MLPH: variants seen among roughly 807,000 people sequenced by gnomAD.
MLPH encodes the protein melanophilin, also known as exophilin-3.
In MLPH, 51 loss-of-function variants were observed where a neutral mutation model predicts 72.1. The observed-to-expected ratio is 0.71, with a 90% CI of 0.56 to 0.89. MLPH has a LOEUF of 0.89. MLPH is among the 40% of genes least tolerant of loss of function. The pLI, the probability that MLPH is intolerant of heterozygous loss-of-function variation, is 0.00. For synonymous variants in MLPH, 301 were observed against 310.1 expected (o/e 0.97, Z 0.31); for missense variants, 743 against 759.9 (o/e 0.98, Z 0.26).
At position 237,510,471 on chromosome 2, in the gene MLPH, A is replaced by ATGTGTC. The variant is rs2079866488; in HGVS notation, c.111-91_111-86dup. The ATGTGTC allele has an allele frequency of 2.9e-6, 3 of 1,050,520 alleles. No individual in the cohort carries two copies. Among genetic ancestry groups the ATGTGTC allele is most frequent in the Admixed American group, 2.0e-5 (1 of 50,774 alleles). The allele number at this position is 1,050,520 out of a possible 1,614,324, so 65.1% of individuals were successfully genotyped here. ...TAGGAGACAGTTACTGTGTGTGTGT[A>ATGTGTC]TGTGTCTGTGTCTGTGTGTGTGTGT... is the stretch of plus-strand genomic sequence containing the variant. On this transcript the variant is annotated intron_variant, in intron 2 of 15. Transcript: ENST00000264605. This position sits in a 1 kb window ranked among gnomAD's most constrained non-coding sequence, Gnocchi z 4.4.
At chr2:237,527,188 C>A in intron 7 of MLPH, 189 bp from the exon 8 acceptor site, 1 of 705,604 alleles carries the variant, frequency 1.4e-6, no homozygotes, top group Non-Finnish European at 2.5e-6. Flanking sequence ...CTCTTTTTTC[C>A]TGAAGATCTT....
intron 9 of MLPH, among the ~76,000 whole-genome samples, chr2:237,535,938 G>A (rs1329461883): frequency 2.6e-5 from 4 of 152,142 alleles, no homozygotes; most frequent in South Asian, 2.1e-4. Flanking sequence ...TTTCCCAATC[G>A]TCTACAGAGA....
At chr2:237,535,276 T>A (rs2080507832) in intron 9 of MLPH, among the ~76,000 whole-genome samples, 1 of 151,900 alleles carries the variant, frequency 6.6e-6, no homozygotes. Flanking sequence ...AATAACAAAT[T>A]CATTCCTTCA....
rs1422700600 is a variant in MLPH, at chr2:237,546,670, C to G, written c.1604C>G (p.Ser535Ter). The change falls in exon 13 of 16, where the codon TCA (serine) becomes TGA (stop). Residue 535 changes from serine to a stop codon, truncating the protein, a stop_gained. Transcript: ENST00000264605. LOFTEE classifies it high-confidence loss of function. Reference protein sequence around the residue: ...KRPEDPNADPSSEAKAMAVPY... With the variant: ...KRPEDPNADP Reference sequence around the variant, plus strand: ...CCAGAGGACCCAAATGCAGACCCTTCAAGTGAGGCCAAGGTATGTGTTACT... The same window carrying G: ...CCAGAGGACCCAAATGCAGACCCTTGAAGTGAGGCCAAGGTATGTGTTACT... 1 of 1,614,042 alleles carries G rather than the reference C, an allele frequency of 6.2e-7. No homozygotes were observed. Among genetic ancestry groups the G allele is most frequent in the South Asian group, 1.1e-5 (1 of 91,082 alleles).
chr2:237,540,431 C>T lies in MLPH; in HGVS notation c.1188C>T (p.Val396=), dbSNP rs2080648157. The T allele has an allele frequency of 1.2e-6, 2 of 1,612,724 alleles. No individual in the cohort carries two copies. Among genetic ancestry groups the T allele is most frequent in the Non-Finnish European group, 1.7e-6 (2 of 1,179,340 alleles). Residue 396 remains valine, a synonymous_variant, in exon 10 of 16, where the codon GTC becomes GTT. Coordinates refer to ENST00000264605, the MANE Select transcript of MLPH (RefSeq NM_024101.7). ...AGCTGGAGGAGCTGACCAGCAACGT[C>T]AGTGACCAGGAGACCTCGTCCGAGG... ...RRKLEELTSN[V]SDQETSSEEE... is the part of the protein sequence containing the mutation.
intron 1 of MLPH, among the ~76,000 whole-genome samples, chr2:237,489,011 T>A (rs1252249968): frequency 6.6e-6 from 1 of 151,968 alleles, no homozygotes; most frequent in African/African-American, 2.4e-5. Flanking sequence ...CCTGGCATCA[T>A]CCAGGGCTGG....
intron 8 of MLPH, among the ~76,000 whole-genome samples, chr2:237,534,267 A>G (rs1559365261): frequency 1.3e-5 from 2 of 152,186 alleles, no homozygotes; most frequent in African/African-American, 4.8e-5. Context: ...TAATGACACC[A>G]TCACAACCTT....
At chr2:237,530,131 AGCCACAGGGCT>A (rs2080389297) in intron 8 of MLPH, among the ~76,000 whole-genome samples, 1 of 152,228 alleles carries the variant, frequency 6.6e-6, no homozygotes, top group African/African-American at 2.4e-5. Flanking sequence ...CCAGCTCTTC[AGCCACAGGGCT>A]GCAGATTCCT....
rs1559350480 is a variant in MLPH, at chr2:237,516,914, A to ATGGATGGAT, written c.446-1625_446-1624insTGGATGGAT. On this transcript the variant is annotated intron_variant, in intron 4 of 15. Coordinates refer to ENST00000264605, the MANE Select transcript of MLPH (RefSeq NM_024101.7). ...ATGGATGGTAGGATGGATGGATGGT[A>ATGGATGGAT]GGATGGATGGATGGATGGATGGATG... Among the ~76,000 whole-genome samples, 1,118 of 119,248 alleles carry ATGGATGGAT rather than the reference A, an allele frequency of 9.4e-3. 25 individuals are homozygous for ATGGATGGAT. Among genetic ancestry groups the ATGGATGGAT allele is most frequent in the African/African-American group, 0.04 (1,036 of 25,734 alleles). The allele number at this position is 119,248 out of a possible 152,430, so 78.2% of individuals were successfully genotyped here.
In MLPH at chr2:237,532,243, C is replaced by T. The variant is rs1024706066; in HGVS notation, c.1021-2321C>T. Reference sequence around the variant, plus strand: ...TCAGGGCCTGAGCTTTCTCAGGAATCGTATTTTATCACAGCTCATCTGAGG... The same window carrying T: ...TCAGGGCCTGAGCTTTCTCAGGAATTGTATTTTATCACAGCTCATCTGAGG... On this transcript the variant is annotated intron_variant, in intron 8 of 15. Coordinates refer to ENST00000264605, the MANE Select transcript of MLPH (RefSeq NM_024101.7). Among the ~76,000 whole-genome samples, 10 of 152,200 alleles carry T rather than the reference C, an allele frequency of 6.6e-5. No individual in the cohort carries two copies. In the South Asian group the frequency reaches 1.2e-3, roughly 19 times the overall value.
chr2:237,509,301 A>T (rs2079841698), intron 2 of MLPH, among the ~76,000 whole-genome samples: 1 of 152,238 alleles, frequency 6.6e-6, no homozygotes, highest in Non-Finnish European at 1.5e-5. Context: ...GGACTCCTCC[A>T]GCCTGGAATG....
At chr2:237,501,332 C>G (rs1477557535) in intron 2 of MLPH, among the ~76,000 whole-genome samples, 1 of 152,170 alleles carries the variant, frequency 6.6e-6, no homozygotes, top group African/African-American at 2.4e-5. Context: ...GATGTGGTTA[C>G]TTTTACTGGC....
intron 11 of MLPH, among the ~76,000 whole-genome samples, chr2:237,542,083 C>T (rs2080701007): frequency 6.6e-6 from 1 of 152,094 alleles, no homozygotes; most frequent in Admixed American, 6.5e-5. Context: ...CTGGGGGCCA[C>T]TGCAAGGATC....
At chr2:237,520,299 T>A (rs1057195457) in intron 6 of MLPH, among the ~76,000 whole-genome samples, 6 of 150,022 alleles carry the variant, frequency 4.0e-5, no homozygotes, top group Admixed American at 3.3e-4. Context: ...GACAGATGAG[T>A]TGGGGCCCAG....
intron 9 of MLPH, among the ~76,000 whole-genome samples, chr2:237,539,346 G>T (rs537573088): frequency 2.1e-4 from 32 of 152,340 alleles, no homozygotes; most frequent in African/African-American, 6.7e-4. Flanking sequence ...AACAGGAATG[G>T]ATATCTGGGA....
intron 8 of MLPH, 76 bp downstream of exon 8, chr2:237,527,592 T>G: frequency 2.5e-6 from 4 of 1,580,542 alleles, no homozygotes; most frequent in Non-Finnish European, 3.5e-6. Flanking sequence ...CAAGTCACTT[T>G]AGAGAAATTA....
At chr2:237,513,367 C>T (rs1231767965) in intron 4 of MLPH, among the ~76,000 whole-genome samples, 2 of 152,100 alleles carry the variant, frequency 1.3e-5, no homozygotes, top group Admixed American at 6.6e-5. Context: ...TCCCCCTACC[C>T]CCGTGCCTTC....
chr2:237,516,790 TG>T (rs1450157678), intron 4 of MLPH, among the ~76,000 whole-genome samples: 13 of 141,262 alleles, frequency 9.2e-5, no homozygotes, highest in African/African-American at 3.2e-4. Flanking sequence ...AATGGATGGA[TG>T]GATGGATGGA....
At chr2:237,504,584 C>T (rs1009782442) in intron 2 of MLPH, among the ~76,000 whole-genome samples, 4 of 152,196 alleles carry the variant, frequency 2.6e-5, no homozygotes, top group African/African-American at 9.7e-5. Flanking sequence ...GGACGGGAGC[C>T]ACTGCCCCAC....
Sources: gnomAD v4.1 joint callset for allele counts (sites outside exome capture counted in the v4.1 genomes callset) on GRCh38, gnomAD v4.1.1 for gene constraint, Gnocchi (gnomAD v3.1) non-coding constraint, MANE v1.5 for transcripts, NCBI Gene and HGNC (gene_info 2026-07-23, HGNC 2026-07-21) for gene names.